The following TMEM154 variants were observed in gnomAD, a reference collection of about 807,000 sequenced individuals.
The protein encoded by TMEM154 is transmembrane protein 154.
Under a neutral mutation model 24.5 loss-of-function variants are expected in TMEM154, and 27 were observed. That is an observed-to-expected ratio of 1.10 (90% CI 0.81 to 1.52). The LOEUF is 1.52. Ranked by LOEUF, TMEM154 falls within the 40% of genes most tolerant of loss-of-function variation. The pLI, the probability that TMEM154 is intolerant of heterozygous loss-of-function variation, is 0.00. For missense variants in TMEM154, 228 were observed against 213.4 expected (o/e 1.07, Z -0.43); for synonymous variants, 67 against 76.8 (o/e 0.87, Z 0.67).
intron 3 of TMEM154, chr4:152,646,696 C>G (rs899978917): frequency 2.6e-5 from 11 of 417,896 alleles, no homozygotes; most frequent in Non-Finnish European, 3.8e-5. Flanking sequence ...ACTTCCCCCC[C>G]ACTTAGCCTG....
chr4:152,665,671 G>A (rs540151809), intron 1 of TMEM154, among the ~76,000 whole-genome samples: 31 of 152,038 alleles, frequency 2.0e-4, no homozygotes, highest in Non-Finnish European at 4.1e-4. Context: ...TTAAGACAGC[G>A]GTCCTCAAAC....
In TMEM154 at chr4:152,621,730, T is replaced by C. The variant is rs1751846860; in HGVS notation, c.*6816A>G. 1 of 152,102 alleles carries C rather than the reference T, an allele frequency of 6.6e-6. No homozygotes were observed. The highest frequency in any genetic ancestry group is 1.5e-5 in the Non-Finnish European group (1 of 68,002). 9.4% of individuals were successfully genotyped at this position (152,102 alleles called of 1,614,324 possible). A position where few individuals can be genotyped will look rare whatever the true frequency, so the allele number is the denominator to read the frequency against. ...CTTACTTTCTTCTAATATCAAGGTG[T>C]GAGATGAGGTTAAAATTAAAGGCAT... On this transcript the variant is annotated 3_prime_UTR_variant, in exon 7 of 7. Transcript: ENST00000304385.
At chr4:152,656,511 A>G (rs1728495076) in intron 1 of TMEM154, among the ~76,000 whole-genome samples, 1 of 152,068 alleles carries the variant, frequency 6.6e-6, no homozygotes, top group African/African-American at 2.4e-5. Context: ...AGCAGAATAA[A>G]TCATATGGAG....
intron 3 of TMEM154, 106 bp downstream of exon 3, chr4:152,652,432 T>G: frequency 1.3e-6 from 2 of 1,507,958 alleles, no homozygotes; most frequent in Non-Finnish European, 1.8e-6. Flanking sequence ...AATGTATTAT[T>G]TATCACTTAC....
chr4:152,660,804 C>T (rs1289546248), intron 1 of TMEM154, among the ~76,000 whole-genome samples: 1 of 152,190 alleles, frequency 6.6e-6, no homozygotes, highest in African/African-American at 2.4e-5. Flanking sequence ...GGAAAGGGTT[C>T]CCAGAAACCT....
chr4:152,675,161 A>AG (rs1228800545), intron 1 of TMEM154, among the ~76,000 whole-genome samples: 1 of 151,126 alleles, frequency 6.6e-6, no homozygotes, highest in Non-Finnish European at 1.5e-5. Context: ...CATCTCAAAA[A>AG]AAAAAAAAAA....
At chr4:152,660,181 A>T (rs1451389715) in intron 1 of TMEM154, among the ~76,000 whole-genome samples, 1 of 152,192 alleles carries the variant, frequency 6.6e-6, no homozygotes, top group Non-Finnish European at 1.5e-5. Flanking sequence ...CCTCATTAAA[A>T]TGATTCTGCT....
intron 6 of TMEM154, among the ~76,000 whole-genome samples, chr4:152,633,149 T>C (rs1752082076): frequency 1.3e-5 from 2 of 152,206 alleles, no homozygotes; most frequent in Non-Finnish European, 2.9e-5. Context: ...TGGGACACTG[T>C]CCATCAACAA....
intron 1 of TMEM154, among the ~76,000 whole-genome samples, chr4:152,678,554 T>TGGGGGG (rs1399155597): frequency 1.9e-5 from 1 of 51,694 alleles, no homozygotes; most frequent in Admixed American, 2.1e-4. Flanking sequence ...GCAGTGGTGG[T>TGGGGGG]GGGGGGTGGA....
At chr4:152,669,194 G>A (rs1052226350) in intron 1 of TMEM154, 2 of 151,174 alleles carry the variant, frequency 1.3e-5, no homozygotes, top group Non-Finnish European at 2.9e-5. Context: ...GTAATTATCA[G>A]TATTTTTTTT....
In TMEM154 at chr4:152,621,376, G is replaced by C. The variant is rs570566650; in HGVS notation, c.*7170C>G. ...GCCATATGAGCTCACCTTGAATCAGGAACTTAATTCCTAACTGATCCACAT... is the reference window on the plus strand; with the variant it reads ...GCCATATGAGCTCACCTTGAATCAGCAACTTAATTCCTAACTGATCCACAT... On this transcript the variant is annotated 3_prime_UTR_variant, in exon 7 of 7. Transcript: ENST00000304385. 4 of 152,346 alleles carry C rather than the reference G, an allele frequency of 2.6e-5. No individual in the cohort carries two copies. The highest frequency in any genetic ancestry group is 4.1e-4 in the South Asian group (2 of 4,826). The allele number at this position is 152,346 out of a possible 1,614,324, so 9.4% of individuals were successfully genotyped here.
chr4:152,672,411 C>T (rs1313772621), intron 1 of TMEM154, among the ~76,000 whole-genome samples: 2 of 152,162 alleles, frequency 1.3e-5, no homozygotes, highest in African/African-American at 4.8e-5. Flanking sequence ...AAGAAAAGAG[C>T]ATCGTGAAGA....
rs1167923301 is a variant in TMEM154, at chr4:152,634,031, CAAAAAAA to C, written c.537-5477_537-5471del. Among the ~76,000 whole-genome samples the C allele has an allele frequency of 5.9e-4, 12 of 20,402 alleles. No homozygotes were observed. In the East Asian group the frequency reaches 6.6e-3, roughly 11 times the overall value. 13.4% of individuals were successfully genotyped at this position (20,402 alleles called of 152,430 possible). On this transcript the variant is annotated intron_variant, in intron 6 of 6. Coordinates refer to ENST00000304385, the MANE Select transcript of TMEM154 (RefSeq NM_152680.3). ...TGGGCAAGAGAGTGAGACCCCATCT[CAAAAAAA>C]AAAAAAAAAAAAAAAAAAAGAAAGT... is the stretch of plus-strand genomic sequence containing the variant.
intron 6 of TMEM154, among the ~76,000 whole-genome samples, chr4:152,635,494 A>G (rs1367419218): frequency 6.6e-6 from 1 of 152,226 alleles, no homozygotes. Flanking sequence ...GACATGATGT[A>G]GACAGTGTCA....
At position 152,618,666 on chromosome 4, in the gene TMEM154, G is replaced by C. The variant is rs977511942; in HGVS notation, c.*9880C>G. 14 of 152,230 alleles carry C rather than the reference G, an allele frequency of 9.2e-5. No individual in the cohort carries two copies. The highest frequency in any genetic ancestry group is 3.4e-4 in the African/African-American group (14 of 41,462). 9.4% of individuals were successfully genotyped at this position (152,230 alleles called of 1,614,324 possible). On this transcript the variant is annotated 3_prime_UTR_variant, in exon 7 of 7. Coordinates refer to ENST00000304385, the MANE Select transcript of TMEM154 (RefSeq NM_152680.3). Reference sequence around the variant, plus strand: ...GCTGCTTCGAGCATTTTAATGATCAGTTAGGCTCCATCCCCAGTTTTCCTT... The same window carrying C: ...GCTGCTTCGAGCATTTTAATGATCACTTAGGCTCCATCCCCAGTTTTCCTT...
rs572088780 is a variant in TMEM154 at position 152,667,671 on chromosome 4, A to G, written c.64+12199T>C. ...GGTGGTTGAACAGATACAAGGCAGA[A>G]GCATTGAAGATTAATGGCAGCTTGT... is the stretch of plus-strand genomic sequence containing the variant. On this transcript the variant is annotated intron_variant, in intron 1 of 6. Coordinates refer to ENST00000304385, the MANE Select transcript of TMEM154 (RefSeq NM_152680.3). Among the ~76,000 whole-genome samples, 125 of 152,396 alleles carry G rather than the reference A, an allele frequency of 8.2e-4. 1 individual carries two copies. The highest frequency in any genetic ancestry group is 3.4e-3 in the Middle Eastern group (1 of 294).
At chr4:152,670,057 C>T (rs1579536757) in intron 1 of TMEM154, 2 of 152,144 alleles carry the variant, frequency 1.3e-5, no homozygotes, top group Admixed American at 1.3e-4. Context: ...CTTGTATTTC[C>T]TTTGTTTTCC....
In TMEM154 at chr4:152,644,401, C is replaced by G; in HGVS notation, c.392+14G>C. ...CACACCCCAGGTGGATCAGAAGCAG[C>G]AGGGAAAACTTACACTTTCACGTTT... On this transcript the variant is annotated intron_variant, in intron 4 of 6. Transcript: ENST00000304385. 1 of 1,614,036 alleles carries G rather than the reference C, an allele frequency of 6.2e-7. No individual in the cohort carries two copies. Among genetic ancestry groups the G allele is most frequent in the South Asian group, 1.1e-5 (1 of 91,084 alleles).
intron 1 of TMEM154, among the ~76,000 whole-genome samples, chr4:152,676,611 C>A (rs2149792298): frequency 6.6e-6 from 1 of 152,184 alleles, no homozygotes; most frequent in South Asian, 2.1e-4. Context: ...ATAATGAGTT[C>A]TATATATGTT....
Sources: gnomAD v4.1 joint callset for allele counts (sites outside exome capture counted in the v4.1 genomes callset) on GRCh38, gnomAD v4.1.1 for gene constraint, MANE v1.5 for transcripts, NCBI Gene and HGNC (gene_info 2026-07-23, HGNC 2026-07-21) for gene names.